Variants in TLE1 observed in about 807,000 individuals in gnomAD.
The protein encoded by TLE1 is transducin-like enhancer protein 1.
A neutral mutation model predicts 89.8 loss-of-function variants in TLE1; 21 were observed. The ratio of observed to expected loss-of-function variants is 0.23; its 90% CI spans 0.17 to 0.34. The LOEUF (loss-of-function observed/expected upper bound fraction) is 0.34, where lower values mean the gene tolerates loss of function less well. Among genes scored for constraint, TLE1 ranks in the 10% least tolerant of loss-of-function variants. The pLI is 1.00. For missense variants in TLE1, 795 were observed against 1,031.2 expected (o/e 0.77, Z 3.14); for synonymous variants, 447 against 407.6 (o/e 1.10, Z -1.16).
intron 6 of TLE1, among the ~76,000 whole-genome samples, chr9:81,637,822 G>A (rs73647837): frequency 0.013 from 1,957 of 151,984 alleles, 54 homozygotes; most frequent in African/African-American, 0.045. Flanking sequence ...AGTGTCCATC[G>A]TCTGGCACAA....
At chr9:81,677,483 T>G (rs1833041393) in intron 4 of TLE1, among the ~76,000 whole-genome samples, 1 of 144,498 alleles carries the variant, frequency 6.9e-6, no homozygotes, top group South Asian at 2.2e-4. Context: ...GAAAATGGTG[T>G]GAACCCGGGA....
intron 4 of TLE1, among the ~76,000 whole-genome samples, chr9:81,682,095 A>G (rs1833705935): frequency 6.6e-6 from 1 of 151,556 alleles, no homozygotes; most frequent in South Asian, 2.1e-4. Context: ...CAAAAAAAAG[A>G]AAAAAAAAGT....
In TLE1 at chr9:81,611,926, C is replaced by T; in HGVS notation, c.1097G>A (p.Gly366Asp). 2 of 1,493,484 alleles carry T rather than the reference C, an allele frequency of 1.3e-6. No homozygotes were observed. Among genetic ancestry groups the T allele is most frequent in the Non-Finnish European group, 1.8e-6 (2 of 1,124,182 alleles). 92.5% of individuals were successfully genotyped at this position (1,493,484 alleles called of 1,614,324 possible). The stretch of plus-strand genomic sequence containing the variant: ...CATCCCAAAAGGAGCAGGATATGGG[C>T]CGGGCACTGCCAGGGGTGTCCTCAA... ...AGLRTPLAVP[G>D]PYPAPFGMVP... The change falls in exon 13 of 20, where the codon GGC becomes GAC. Residue 366 changes from glycine to aspartate, a missense_variant. By Grantham distance (94) the Gly-to-Asp change is moderately conservative (BLOSUM62 -1). Coordinates refer to ENST00000376499, the MANE Select transcript of TLE1 (RefSeq NM_005077.5).
In TLE1 at chr9:81,623,317, C is replaced by T. The variant is rs976092421; in HGVS notation, c.595-2760G>A. 9.2e-5 allele frequency among the ~76,000 whole-genome samples: 14 copies of T among 151,978 alleles called. 1 individual carries two copies. The highest frequency in any genetic ancestry group is 7.3e-5 in the African/African-American group (3 of 41,370). ...ATTAAGAGCTACTTTATACATATTTCGAGAATTCAGAGACTAAACCTGGGT... is the reference window on the plus strand; with the variant it reads ...ATTAAGAGCTACTTTATACATATTTTGAGAATTCAGAGACTAAACCTGGGT... On this transcript the variant is annotated intron_variant, in intron 8 of 19. Coordinates refer to ENST00000376499, the MANE Select transcript of TLE1 (RefSeq NM_005077.5).
intron 14 of TLE1, 148 bp from the exon 15 acceptor site, chr9:81,593,422 G>A (rs966547645): frequency 8.9e-7 from 1 of 1,120,266 alleles, no homozygotes; most frequent in Non-Finnish European, 1.2e-6. Flanking sequence ...ACAAATTGAA[G>A]CATTTACTGC....
intron 4 of TLE1, among the ~76,000 whole-genome samples, chr9:81,680,621 G>A (rs1418667242): frequency 6.6e-6 from 1 of 152,158 alleles, no homozygotes; most frequent in Non-Finnish European, 1.5e-5. Flanking sequence ...GTGACTGAGA[G>A]GTGAGAGATC....
chr9:81,618,474 A>C (rs1477492196), intron 9 of TLE1, among the ~76,000 whole-genome samples: 5 of 152,184 alleles, frequency 3.3e-5, no homozygotes, highest in African/African-American at 1.2e-4. Flanking sequence ...GTTACAAGAT[A>C]TATTTTAGCC....
At chr9:81,661,225 T>A (rs1830762775) in intron 4 of TLE1, among the ~76,000 whole-genome samples, 1 of 148,776 alleles carries the variant, frequency 6.7e-6, no homozygotes, top group Non-Finnish European at 1.5e-5. Context: ...TATATATCTT[T>A]TTTTCAAGAT....
chr9:81,591,790 GA>G (rs1473530746), intron 15 of TLE1, among the ~76,000 whole-genome samples: 10 of 152,268 alleles, frequency 6.6e-5, no homozygotes, highest in Non-Finnish European at 1.2e-4. Flanking sequence ...AGAATTTCAT[GA>G]ATGAAGACAT....
At chr9:81,669,294 T>C (rs1831904812) in intron 4 of TLE1, among the ~76,000 whole-genome samples, 2 of 152,218 alleles carry the variant, frequency 1.3e-5, no homozygotes, top group African/African-American at 4.8e-5. Context: ...CCAATTTTCA[T>C]CTCCATCTGT....
chr9:81,676,325 AAAG>A (rs1832904640), intron 4 of TLE1, among the ~76,000 whole-genome samples: 1 of 152,190 alleles, frequency 6.6e-6, no homozygotes, highest in South Asian at 2.1e-4. Flanking sequence ...CGGAGCAAGG[AAAG>A]AAGCACATGA....
intron 14 of TLE1, among the ~76,000 whole-genome samples, chr9:81,596,636 G>A (rs532142320): frequency 6.6e-6 from 1 of 152,284 alleles, no homozygotes; most frequent in Non-Finnish European, 1.5e-5. Context: ...GAGCATTCAT[G>A]AATATCGCTC....
chr9:81,610,739 C>A (rs1195593771), intron 13 of TLE1, among the ~76,000 whole-genome samples: 1 of 151,198 alleles, frequency 6.6e-6, no homozygotes, highest in Non-Finnish European at 1.5e-5. Context: ...GGAATCCATA[C>A]CTGCCCCCCC....
At chr9:81,594,697 C>T (rs1040389609) in intron 14 of TLE1, among the ~76,000 whole-genome samples, 23 of 152,156 alleles carry the variant, frequency 1.5e-4, no homozygotes, top group African/African-American at 5.6e-4. Flanking sequence ...AAAGTCTGGG[C>T]CCTTTCTGGA....
chr9:81,585,909 C>A (rs1185185851), intron 17 of TLE1, among the ~76,000 whole-genome samples: 1 of 151,890 alleles, frequency 6.6e-6, no homozygotes, highest in Non-Finnish European at 1.5e-5. Context: ...TAATGGCATT[C>A]ATCTGTACAT....
intron 14 of TLE1, among the ~76,000 whole-genome samples, chr9:81,599,430 G>GTCGA (rs1332325151): frequency 2.0e-5 from 3 of 152,144 alleles, no homozygotes; most frequent in Non-Finnish European, 4.4e-5. Context: ...CATAAGGCAT[G>GTCGA]TCGACATCGT....
intron 14 of TLE1, among the ~76,000 whole-genome samples, chr9:81,603,486 G>A (rs1831220121): frequency 1.3e-5 from 2 of 152,040 alleles, no homozygotes; most frequent in South Asian, 4.2e-4. Context: ...CACGAGAAAG[G>A]TGCCCTCCCT....
intron 6 of TLE1, among the ~76,000 whole-genome samples, chr9:81,640,161 C>T (rs1341443018): frequency 6.6e-6 from 1 of 152,144 alleles, no homozygotes; most frequent in Non-Finnish European, 1.5e-5. Flanking sequence ...AAAATGTCAA[C>T]AGTGCTAAGG....
chr9:81,612,673 G>A (rs1027597469), intron 12 of TLE1, among the ~76,000 whole-genome samples: 1 of 152,196 alleles, frequency 6.6e-6, no homozygotes, highest in Non-Finnish European at 1.5e-5. Context: ...TATTAGCAAA[G>A]TCAGACGCAC....
Sources: allele counts gnomAD v4.1 joint callset (sites outside exome capture counted in the v4.1 genomes callset), GRCh38; gene constraint gnomAD v4.1.1; transcripts MANE v1.5; gene names NCBI Gene and HGNC (gene_info 2026-07-23, HGNC 2026-07-21).